Variants in LTF observed in about 807,000 individuals in gnomAD.
LTF encodes lactotransferrin, also known as epididymis luminal protein 110.
LTF carries 91 observed loss-of-function variants against 87.2 expected under a neutral mutation model. That is an observed-to-expected ratio of 1.04 (90% CI 0.88 to 1.24). LTF has a LOEUF of 1.24. Ranked by LOEUF, LTF falls within the 50% of genes most tolerant of loss-of-function variation. The pLI is 0.00. For synonymous variants in LTF, 378 were observed against 356.1 expected, an observed-to-expected ratio of 1.06 and a Z score of -0.69; for missense variants, 901 against 904.3, an observed-to-expected ratio of 1.00 and a Z score of 0.05.
At chr3:46,451,542 G>C (rs1286166766) in intron 6 of LTF, among the ~76,000 whole-genome samples, 2 of 152,156 alleles carry the variant, frequency 1.3e-5, no homozygotes, top group Non-Finnish European at 2.9e-5. Flanking sequence ...ACATCTATTT[G>C]TGTGTGGTTT....
At chr3:46,453,128 GC>G (rs1702842225) in intron 6 of LTF, among the ~76,000 whole-genome samples, 1 of 152,126 alleles carries the variant, frequency 6.6e-6, no homozygotes, top group Admixed American at 6.5e-5. Context: ...TCAAAATCAT[GC>G]AGAAACAAGG....
chr3:46,477,215 C>T (rs1703370712), intron 1 of LTF, among the ~76,000 whole-genome samples: 1 of 152,194 alleles, frequency 6.6e-6, no homozygotes, highest in South Asian at 2.1e-4. Context: ...TGTCTTTTGT[C>T]CATTGTTTGA....
intron 1 of LTF, among the ~76,000 whole-genome samples, chr3:46,477,883 C>T (rs932427128): frequency 6.6e-6 from 1 of 152,138 alleles, no homozygotes; most frequent in Non-Finnish European, 1.5e-5. Flanking sequence ...TTTCCCCAGG[C>T]GGCTCCAGTT....
intron 1 of LTF, among the ~76,000 whole-genome samples, chr3:46,460,111 G>A (rs1180661647): frequency 2.0e-5 from 3 of 152,112 alleles, no homozygotes; most frequent in African/African-American, 7.2e-5. Flanking sequence ...AAAAATGATG[G>A]TGATCCCCCA....
chr3:46,438,030 C>A lies in LTF; in HGVS notation c.2008G>T (p.Ala670Ser). ...TATGTTGTTTTGCCATGGAGTCTGGCCAGACACTCAGTGTTGTCATTGAAC... is the reference window on the plus strand; with the variant it reads ...TATGTTGTTTTGCCATGGAGTCTGGACAGACACTCAGTGTTGTCATTGAAC... ...LLFNDNTECL[A>S]RLHGKTTYEK... The change falls in exon 16 of 17, where the codon GCC (alanine) becomes TCC (serine). Residue 670 changes from alanine (A) to serine (S), a missense_variant. Ala to Ser is a moderately conservative substitution (Grantham distance 99, BLOSUM62 1). Transcript: ENST00000231751. The A allele has an allele frequency of 1.9e-6, 3 of 1,613,774 alleles. No homozygotes were observed. Among genetic ancestry groups the A allele is most frequent in the Non-Finnish European group, 2.5e-6 (3 of 1,179,830 alleles).
chr3:46,436,397 C>T (rs1249845259), intron 16 of LTF, among the ~76,000 whole-genome samples, 168 bp from the exon 17 acceptor site: 4 of 152,240 alleles, frequency 2.6e-5, no homozygotes, highest in African/African-American at 4.8e-5. Context: ...CTAGCGACTA[C>T]GGTGTTCAAG....
chr3:46,481,913 A>C (rs1457271136), intron 1 of LTF, among the ~76,000 whole-genome samples: 12 of 152,250 alleles, frequency 7.9e-5, no homozygotes, highest in Admixed American at 7.9e-4. Context: ...TTCCAACAAG[A>C]ATATTGGAAA....
chr3:46,438,211 C>T, intron 15 of LTF, 82 bp from the exon 16 acceptor site: 1 of 1,154,510 alleles, frequency 8.7e-7, no homozygotes, highest in Non-Finnish European at 1.3e-6. Context: ...ATTTCTTCCA[C>T]CCAAGAACAG....
At position 46,443,552 on chromosome 3, in the gene LTF, C is replaced by A; in HGVS notation, c.1544G>T (p.Gly515Val). The part of the protein sequence containing the change: ...DEYFSQSCAP[G>V]SDPRSNLCAL... ...ACAGAGATTAGATCTCGGGTCAGAC[C>A]CAGGGGCACAGCTTTGACTGAAATA... The change falls in exon 13 of 17, where the codon GGG becomes GTG. Residue 515 changes from glycine to valine, a missense_variant. Gly to Val is a moderately radical substitution (Grantham distance 109, BLOSUM62 -3). Coordinates refer to ENST00000231751, the MANE Select transcript of LTF (RefSeq NM_002343.6). 1.2e-6 allele frequency: 2 copies of A among 1,614,056 alleles called. No homozygotes were observed. The highest frequency in any genetic ancestry group is 1.7e-6 in the Non-Finnish European group (2 of 1,180,018).
chr3:46,441,655 C>T (rs1702516007), intron 13 of LTF, 172 bp from the exon 14 acceptor site: 2 of 574,310 alleles, frequency 3.5e-6, no homozygotes, highest in African/African-American at 3.8e-5. Context: ...GGTGTACCTG[C>T]CCTCCTTTTA....
intron 2 of LTF, among the ~76,000 whole-genome samples, chr3:46,457,817 A>T (rs1175329287): frequency 1.3e-5 from 2 of 152,010 alleles, no homozygotes; most frequent in Non-Finnish European, 2.9e-5. Context: ...GAGCGGAGTC[A>T]CCCAGGCTGG....
In LTF at chr3:46,464,897, G is replaced by T; in HGVS notation, c.-30C>A. ...GCGGTCTGGAGGCGACTTGGCAAAC[G>T]AAGGCTCTGCCACTTGCGCCTGCCC... is the stretch of plus-strand genomic sequence containing the variant. On this transcript the variant is annotated 5_prime_UTR_variant, in exon 1 of 17. Coordinates refer to ENST00000231751, the MANE Select transcript of LTF (RefSeq NM_002343.6). The T allele has an allele frequency of 6.2e-7, 1 of 1,613,082 alleles. No homozygotes were observed. Among genetic ancestry groups the T allele is most frequent in the Non-Finnish European group, 8.5e-7 (1 of 1,179,256 alleles).
Position 46,456,390 on chromosome 3 carries a change from C to T in LTF, c.216G>A (p.Arg72=). Reference sequence around the variant, plus strand: ...CACCATCAAGGGTCACAGCATCGGCCCTGTTTTCCTGAAAGTAAAGAGGCC... The same window carrying T: ...CACCATCAAGGGTCACAGCATCGGCTCTGTTTTCCTGAAAGTAAAGAGGCC... ...IQCIQAIAEN[R]ADAVTLDGGF... Residue 72 remains arginine, a synonymous_variant, in exon 3 of 17, where the codon AGG becomes AGA. Coordinates refer to ENST00000231751, the MANE Select transcript of LTF (RefSeq NM_002343.6). The T allele has an allele frequency of 6.2e-7, 1 of 1,614,050 alleles. No individual in the cohort carries two copies. The highest frequency in any genetic ancestry group is 8.5e-7 in the Non-Finnish European group (1 of 1,179,904).
chr3:46,463,676 G>A (rs1703141622), intron 1 of LTF: 1 of 984,592 alleles, frequency 1.0e-6, no homozygotes, highest in East Asian at 1.1e-4. Flanking sequence ...CTGGACCACA[G>A]CCCATGACCA....
intron 12 of LTF, 40 bp downstream of exon 12, chr3:46,445,241 T>G: frequency 6.4e-7 from 1 of 1,571,578 alleles, no homozygotes; most frequent in Admixed American, 1.8e-5. Context: ...ATGCCTACCC[T>G]CCAGGGTGGC....
In LTF at chr3:46,482,526, AAGGGAAGGGAAGGGAAGGGAAGGG is replaced by A. The variant is rs1480517212; in HGVS notation, c.-320+2436_-320+2459del. ...AAGGGAAGGGAAGGGAAGGGAAGGGAAGGGAAGGGAAGGGAAGGGAAGGGAAGGGAAGGGAAGGGAAGGGAAAGG... is the reference window on the plus strand; with the variant it reads ...AAGGGAAGGGAAGGGAAGGGAAGGGAAAGGGAAGGGAAGGGAAGGGAAAGG... On this transcript the variant is annotated intron_variant, in intron 1 of 19. Coordinates refer to the LTF transcript ENST00000443496. Among the ~76,000 whole-genome samples, 40 of 84,438 alleles carry A rather than the reference AAGGGAAGGGAAGGGAAGGGAAGGG, an allele frequency of 4.7e-4. 7 individuals carry two copies. Among genetic ancestry groups the A allele is most frequent in the East Asian group, 3.6e-3 (11 of 3,088 alleles). The allele number at this position is 84,438 out of a possible 152,430, so 55.4% of individuals were successfully genotyped here.
At chr3:46,468,192 G>T, upstream of LTF, 2 of 456,732 alleles carry the variant, frequency 4.4e-6, no homozygotes, top group Non-Finnish European at 8.8e-6. Context: ...GGATAGTGAG[G>T]GTCAGGGCTG....
At position 46,447,378 on chromosome 3, in the gene LTF, C is replaced by T. The variant is rs768363696; in HGVS notation, c.1233G>A (p.Met411Ile). ...ALVLKGEADA[M>I]SLDGGYVYTA... Reference sequence around the variant, plus strand: ...TGTACACATATCCTCCATCCAAACTCATGGCATCAGCTTCTCCTTTCTGCA... The same window carrying T: ...TGTACACATATCCTCCATCCAAACTTATGGCATCAGCTTCTCCTTTCTGCA... Residue 411 changes from methionine (M) to isoleucine (I), a missense_variant, in exon 10 of 17, where the codon ATG (methionine) becomes ATA (isoleucine). Physicochemically the swap from Met to Ile is conservative, Grantham distance 10. Transcript: ENST00000231751. The T allele has an allele frequency of 6.2e-7, 1 of 1,614,012 alleles. No homozygotes were observed. The highest frequency in any genetic ancestry group is 8.5e-7 in the Non-Finnish European group (1 of 1,179,968).
chr3:46,459,531 G>T, intron 2 of LTF, 125 bp downstream of exon 2: 1 of 900,882 alleles, frequency 1.1e-6, no homozygotes, highest in Non-Finnish European at 1.5e-6. Context: ...GAGAGAGGAC[G>T]GCTCCCCACT....
Sources: allele counts gnomAD v4.1 joint callset (sites outside exome capture counted in the v4.1 genomes callset), GRCh38; gene constraint gnomAD v4.1.1; transcripts MANE v1.5; gene names NCBI Gene and HGNC (gene_info 2026-07-23, HGNC 2026-07-21).